Variants in LRP1B observed in about 807,000 individuals in gnomAD.
LRP1B encodes the protein LDL receptor related protein 1B, also known as low-density lipoprotein receptor-related protein 1B.
A neutral mutation model predicts 556.6 loss-of-function variants in LRP1B; 217 were observed. The ratio of observed to expected loss-of-function variants is 0.39; its 90% CI spans 0.35 to 0.44. The LOEUF is 0.44. Ranked by LOEUF, LRP1B falls within the 20% of genes least tolerant of loss-of-function variation. The pLI is 1.00. For missense variants in LRP1B, 5,053 were observed against 5,620.8 expected (o/e 0.90, Z 3.23); for synonymous variants, 2,047 against 1,865.8 (o/e 1.10, Z -2.50).
rs60102985 is a variant in LRP1B at position 141,336,114 on chromosome 2, C to CAAAAAAA, written c.344-81480_344-81474dup. ...TATAATGAAATATCCCAGACCTGTC[C>CAAAAAAA]AAAAAAAAAAAAAAAAAGCAAATAA... On this transcript the variant is annotated intron_variant, in intron 3 of 90. Transcript: ENST00000389484. Among the ~76,000 whole-genome samples the CAAAAAAA allele has an allele frequency of 2.6e-4, 24 of 92,990 alleles. 1 individual carries two copies. The highest frequency in any genetic ancestry group is 1.1e-3 in the African/African-American group (24 of 22,794). 61.0% of individuals were successfully genotyped at this position (92,990 alleles called of 152,430 possible).
intron 86 of LRP1B, among the ~76,000 whole-genome samples, chr2:140,266,049 A>G (rs762656309): frequency 6.6e-6 from 1 of 151,980 alleles, no homozygotes; most frequent in Non-Finnish European, 1.5e-5. Context: ...CCAGGCCCTA[A>G]TAGCAGGCCT....
intron 43 of LRP1B, among the ~76,000 whole-genome samples, chr2:140,581,397 CA>C (rs1681756001): frequency 6.6e-6 from 1 of 152,124 alleles, no homozygotes; most frequent in Non-Finnish European, 1.5e-5. Flanking sequence ...TTGTCCTTCT[CA>C]GCACATTTTG....
At chr2:141,488,722 G>A (rs1683209446) in intron 2 of LRP1B, among the ~76,000 whole-genome samples, 1 of 151,880 alleles carries the variant, frequency 6.6e-6, no homozygotes, top group Non-Finnish European at 1.5e-5. Flanking sequence ...GCCTGTCAGT[G>A]CTGGGAATTA....
intron 7 of LRP1B, among the ~76,000 whole-genome samples, chr2:141,153,057 C>A (rs939005004): frequency 2.7e-5 from 4 of 149,586 alleles, no homozygotes; most frequent in African/African-American, 9.8e-5. Context: ...TAAGAACCAC[C>A]TTAAATATTA....
chr2:140,669,229 G>A (rs1685396229), intron 41 of LRP1B, among the ~76,000 whole-genome samples: 1 of 151,486 alleles, frequency 6.6e-6, no homozygotes, highest in Non-Finnish European at 1.5e-5. Flanking sequence ...GCTCTTATAG[G>A]GATATAAAAA....
At chr2:140,624,689 T>A (rs1377865459) in intron 41 of LRP1B, among the ~76,000 whole-genome samples, 1 of 152,188 alleles carries the variant, frequency 6.6e-6, no homozygotes, top group East Asian at 1.9e-4. Flanking sequence ...CCTGTTGTTG[T>A]TGTTGTTTTT....
intron 3 of LRP1B, among the ~76,000 whole-genome samples, chr2:141,334,815 G>T (rs759322458): frequency 1.3e-5 from 2 of 152,110 alleles, no homozygotes; most frequent in African/African-American, 2.4e-5. Flanking sequence ...GCCTCCCAAA[G>T]TGCTGGGATT....
intron 2 of LRP1B, among the ~76,000 whole-genome samples, chr2:141,765,786 T>C (rs1214794232): frequency 6.6e-6 from 1 of 152,184 alleles, no homozygotes; most frequent in Non-Finnish European, 1.5e-5. Flanking sequence ...TGATGATTCC[T>C]TTTTCTCCTT....
At chr2:140,308,164 T>A (rs946036980) in intron 83 of LRP1B, among the ~76,000 whole-genome samples, 6 of 151,852 alleles carry the variant, frequency 4.0e-5, no homozygotes, top group Non-Finnish European at 8.8e-5. Context: ...TTGATATTTT[T>A]CAATAACTTA....
chr2:140,687,525 G>A (rs1034391658), intron 41 of LRP1B, among the ~76,000 whole-genome samples: 6 of 151,276 alleles, frequency 4.0e-5, no homozygotes, highest in Admixed American at 2.0e-4. Context: ...ACTCAACTAA[G>A]AAAAAAATCT....
chr2:140,882,979 C>A (rs906830839), intron 25 of LRP1B, among the ~76,000 whole-genome samples: 1 of 152,128 alleles, frequency 6.6e-6, no homozygotes, highest in Non-Finnish European at 1.5e-5. Context: ...TCAAAATCAA[C>A]AGGAATAACA....
chr2:141,218,684 A>G (rs538689740), intron 6 of LRP1B, among the ~76,000 whole-genome samples: 2 of 152,330 alleles, frequency 1.3e-5, no homozygotes, highest in Admixed American at 1.3e-4. Context: ...TACATTCACT[A>G]TTTGGGTGAC....
Position 140,526,449 on chromosome 2 carries a change from G to A in LRP1B, c.7763-99C>T, listed in dbSNP as rs537417369. On this transcript the variant is annotated intron_variant, in intron 47 of 90. Coordinates refer to ENST00000389484, the MANE Select transcript of LRP1B (RefSeq NM_018557.3). ...CAATTATTTTATATAATTTTGTTTG[G>A]TTTTGCTTTCGTAACTCTGGGAAGC... The A allele has an allele frequency of 2.9e-4, 259 of 879,608 alleles. No individual in the cohort carries two copies. The African/African-American group carries it at 3.9e-3, about 13-fold the overall frequency. 54.5% of individuals were successfully genotyped at this position (879,608 alleles called of 1,614,324 possible). A position where few individuals can be genotyped will look rare whatever the true frequency, so the allele number is the denominator to read the frequency against.
intron 7 of LRP1B, among the ~76,000 whole-genome samples, chr2:141,088,697 A>G (rs1700104822): frequency 6.6e-6 from 1 of 152,194 alleles, no homozygotes. Flanking sequence ...GTGCTGCTGG[A>G]AACTGCAAGG....
At chr2:141,228,626 ATT>A (rs1159711040) in intron 6 of LRP1B, among the ~76,000 whole-genome samples, 1 of 150,596 alleles carries the variant, frequency 6.6e-6, no homozygotes, top group Non-Finnish European at 1.5e-5. Context: ...TGACAATGAG[ATT>A]TCAGTTTATG....
chr2:141,175,424 G>A (rs998403657), intron 7 of LRP1B, among the ~76,000 whole-genome samples: 2 of 152,140 alleles, frequency 1.3e-5, no homozygotes, highest in Admixed American at 6.5e-5. Flanking sequence ...CATAGCAGCT[G>A]CTCCAGCTCC....
intron 83 of LRP1B, among the ~76,000 whole-genome samples, chr2:140,313,945 C>A (rs1039421680): frequency 6.6e-6 from 1 of 151,796 alleles, no homozygotes; most frequent in African/African-American, 2.4e-5. Context: ...TATTTATAGA[C>A]ATAAAATTAT....
chr2:142,008,814 C>T (rs763601223), intron 1 of LRP1B, among the ~76,000 whole-genome samples: 18 of 152,010 alleles, frequency 1.2e-4, no homozygotes, highest in Non-Finnish European at 2.1e-4. Context: ...ATATGTAAAG[C>T]TCCTGGTATA....
At chr2:140,663,219 C>T (rs1034754683) in intron 41 of LRP1B, among the ~76,000 whole-genome samples, 4 of 152,066 alleles carry the variant, frequency 2.6e-5, no homozygotes, top group Non-Finnish European at 5.9e-5. Context: ...TACTAAGATA[C>T]TAAAAATATA....
Sources: allele counts gnomAD v4.1 joint callset (sites outside exome capture counted in the v4.1 genomes callset), GRCh38; gene constraint gnomAD v4.1.1; transcripts MANE v1.5; gene names NCBI Gene and HGNC (gene_info 2026-07-23, HGNC 2026-07-21).